The following SEM1 variants were observed in gnomAD, a reference collection of about 807,000 sequenced individuals.
SEM1 encodes the protein 26S proteasome complex subunit SEM1.
SEM1 carries 3 observed loss-of-function variants against 12.7 expected under a neutral mutation model. That is an observed-to-expected ratio of 0.24 (90% CI 0.11 to 0.61). The LOEUF (loss-of-function observed/expected upper bound fraction) is 0.61. SEM1 is among the 20% of genes least tolerant of loss of function. SEM1 has a pLI of 0.88. For missense variants in SEM1, 59 were observed against 81.3 expected (o/e 0.73, Z 1.06); for synonymous variants, 30 against 27.8 (o/e 1.08, Z -0.25).
chr7:96,580,341 T>A (rs1806352491), intron 2 of SEM1, among the ~76,000 whole-genome samples: 1 of 149,016 alleles, frequency 6.7e-6, no homozygotes, highest in African/African-American at 2.5e-5. Flanking sequence ...GGTGTATATG[T>A]GCCACATTTT....
chr7:96,650,313 G>C (rs920307551), intron 2 of SEM1: 15 of 493,776 alleles, frequency 3.0e-5, no homozygotes, highest in Non-Finnish European at 5.4e-5. Context: ...CCTTCAGCTA[G>C]ATGTCAGAAA....
chr7:96,704,689 G>T (rs942602930), intron 1 of SEM1, among the ~76,000 whole-genome samples: 4 of 152,124 alleles, frequency 2.6e-5, no homozygotes, highest in African/African-American at 9.7e-5. Context: ...TAATTCAAAT[G>T]TTTAATGGTT....
intron 2 of SEM1, among the ~76,000 whole-genome samples, chr7:96,603,167 G>C (rs1274212754): frequency 6.6e-6 from 1 of 152,256 alleles, no homozygotes; most frequent in African/African-American, 2.4e-5. Flanking sequence ...GGGCTGCCTG[G>C]CTTTGAGCAA....
intron 2 of SEM1, among the ~76,000 whole-genome samples, chr7:96,525,681 A>T (rs1014242583): frequency 6.6e-6 from 1 of 152,104 alleles, no homozygotes; most frequent in Non-Finnish European, 1.5e-5. Context: ...CCCTGGCCCC[A>T]GGCTGGAATT....
chr7:96,683,441 G>A (rs1005212522), intron 2 of SEM1, among the ~76,000 whole-genome samples: 2 of 152,138 alleles, frequency 1.3e-5, no homozygotes, highest in East Asian at 3.9e-4. Context: ...TGGTGGGACT[G>A]TAAATTAGTT....
intron 2 of SEM1, among the ~76,000 whole-genome samples, chr7:96,653,136 A>G (rs1365761980): frequency 1.3e-5 from 2 of 152,196 alleles, no homozygotes; most frequent in Non-Finnish European, 2.9e-5. Flanking sequence ...AAGTCACACA[A>G]TAGTAAATGG....
intron 1 of SEM1, chr7:96,695,171 T>A (rs865784502): frequency 1.2e-5 from 3 of 241,594 alleles, no homozygotes; most frequent in Middle Eastern, 2.6e-3. Flanking sequence ...TTCTTTGAAC[T>A]CATTTTTAGA....
intron 3 of SEM1, among the ~76,000 whole-genome samples, chr7:96,505,050 G>A (rs185297289): frequency 6.6e-6 from 1 of 151,864 alleles, no homozygotes; most frequent in East Asian, 1.9e-4. Flanking sequence ...GTTTGTTGAG[G>A]CTATTTCATC....
chr7:96,558,382 C>G (rs62471401), intron 2 of SEM1: 1 of 152,004 alleles, frequency 6.6e-6, no homozygotes, highest in Non-Finnish European at 1.5e-5. Context: ...GTGACGGTGC[C>G]GGATTACGAT....
downstream of SEM1, chr7:96,672,710 C>G (rs1315199983): frequency 6.6e-6 from 1 of 152,208 alleles, no homozygotes; most frequent in Non-Finnish European, 1.5e-5. Flanking sequence ...CATTAGCATA[C>G]TATATGCATA....
intron 2 of SEM1, among the ~76,000 whole-genome samples, chr7:96,549,151 T>C (rs10953181): frequency 0.61 from 93,359 of 152,060 alleles, 29,415 homozygotes; most frequent in Non-Finnish European, 0.69. Flanking sequence ...ACATATGCTG[T>C]TGGAAAAGCA....
At chr7:96,597,889 A>C (rs2116172791) in intron 2 of SEM1, among the ~76,000 whole-genome samples, 1 of 152,258 alleles carries the variant, frequency 6.6e-6, no homozygotes, top group South Asian at 2.1e-4. Context: ...ACATCCAAGT[A>C]AACAAACACA....
intron 2 of SEM1, among the ~76,000 whole-genome samples, chr7:96,521,675 A>AC: frequency 6.6e-6 from 1 of 152,042 alleles, no homozygotes; most frequent in Admixed American, 6.6e-5. Context: ...TCCTTTCCCA[A>AC]CCCACACTGA....
downstream of SEM1, among the ~76,000 whole-genome samples, chr7:96,621,055 C>T (rs990817371): frequency 1.3e-5 from 2 of 151,888 alleles, no homozygotes; most frequent in Non-Finnish European, 2.9e-5. Context: ...CTATGTATGA[C>T]CAGTATAAAA....
At chr7:96,506,045 T>C (rs1563035790) in intron 3 of SEM1, among the ~76,000 whole-genome samples, 1 of 152,170 alleles carries the variant, frequency 6.6e-6, no homozygotes, top group Non-Finnish European at 1.5e-5. Flanking sequence ...TTTTAATCCA[T>C]TGCAGTTTTT....
At chr7:96,569,126 G>A (rs1054329488) in intron 2 of SEM1, among the ~76,000 whole-genome samples, 8 of 151,920 alleles carry the variant, frequency 5.3e-5, no homozygotes, top group Non-Finnish European at 1.2e-4. Flanking sequence ...GAAAGTAAAT[G>A]TATGCTTTGG....
At chr7:96,484,912 T>G (rs1388871169) in intron 2 of SEM1, 1 of 1,123,592 alleles carries the variant, frequency 8.9e-7, no homozygotes, top group Non-Finnish European at 1.2e-6. Flanking sequence ...TAAATTGTCT[T>G]ACCCTGGTGG....
chr7:96,543,230 T>C (rs1563053519), intron 2 of SEM1, among the ~76,000 whole-genome samples: 1 of 151,970 alleles, frequency 6.6e-6, no homozygotes. Flanking sequence ...CAATAAAGTA[T>C]AACAACTATT....
intron 2 of SEM1, among the ~76,000 whole-genome samples, chr7:96,657,124 A>T (rs966541253): frequency 6.6e-6 from 1 of 152,220 alleles, no homozygotes; most frequent in African/African-American, 2.4e-5. Context: ...AGTGAGAACA[A>T]TTAAGCCAAG....
Sources: allele counts gnomAD v4.1 joint callset (sites outside exome capture counted in the v4.1 genomes callset), GRCh38; gene constraint gnomAD v4.1.1; transcripts MANE v1.5; gene names NCBI Gene and HGNC (gene_info 2026-07-23, HGNC 2026-07-21).